The following ARHGEF26 variants were observed in gnomAD, a reference collection of about 807,000 sequenced individuals.
The protein encoded by ARHGEF26 is Rho guanine nucleotide exchange factor (GEF) 26.
In ARHGEF26, 59 loss-of-function variants were observed where a neutral mutation model predicts 89.4. That is an observed-to-expected ratio of 0.66 (90% CI 0.54 to 0.82). The LOEUF is 0.82. Among genes scored for constraint, ARHGEF26 ranks in the 40% least tolerant of loss-of-function variants. The pLI is 0.00. For synonymous variants in ARHGEF26, 500 were observed against 428.4 expected, an observed-to-expected ratio of 1.17 and a Z score of -2.06; for missense variants, 1,234 against 1,085.6, an observed-to-expected ratio of 1.14 and a Z score of -1.92.
intron 9 of ARHGEF26, among the ~76,000 whole-genome samples, chr3:154,203,202 G>T (rs1192551926): frequency 1.3e-5 from 2 of 152,122 alleles, no homozygotes; most frequent in Admixed American, 1.3e-4. Context: ...AGAGTTTTTA[G>T]CATGAAGGGT....
chr3:154,166,457 A>G (rs940809166), intron 6 of ARHGEF26, among the ~76,000 whole-genome samples: 2 of 152,224 alleles, frequency 1.3e-5, no homozygotes, highest in African/African-American at 4.8e-5. Flanking sequence ...GGGAACGTTC[A>G]TGCTCTGAAA....
In ARHGEF26 at chr3:154,253,074, T is replaced by C. The variant is rs756772047; in HGVS notation, c.2301-42T>C. 11 of 1,610,606 alleles carry C rather than the reference T, an allele frequency of 6.8e-6. No homozygotes were observed. In the South Asian group the frequency reaches 9.9e-5, roughly 15 times the overall value. ...CTAGAAAACACTCCATTCTGTGTTT[T>C]TACACCTTGAGTCTCTCAGTTGGAT... On this transcript the variant is annotated intron_variant, in intron 12 of 14. Coordinates refer to ENST00000465093, the MANE Select transcript of ARHGEF26 (RefSeq NM_015595.4).
At chr3:154,186,136 G>GACACACACACACACACACACACACACAC (rs60675240) in intron 6 of ARHGEF26, among the ~76,000 whole-genome samples, 2 of 146,928 alleles carry the variant, frequency 1.4e-5, no homozygotes, top group Non-Finnish European at 3.0e-5. Flanking sequence ...CACACACTTA[G>GACACACACACACACACACACACACACAC]ACACACACAC....
At chr3:154,191,778 T>A (rs2108188059) in intron 8 of ARHGEF26, among the ~76,000 whole-genome samples, 1 of 152,306 alleles carries the variant, frequency 6.6e-6, no homozygotes, top group Non-Finnish European at 1.5e-5. Context: ...GGCCTAAGAT[T>A]CCTCAGACTG....
chr3:154,154,544 C>T (rs1269929494), intron 6 of ARHGEF26, among the ~76,000 whole-genome samples: 1 of 148,936 alleles, frequency 6.7e-6, no homozygotes, highest in Non-Finnish European at 1.5e-5. Context: ...AGTTTCTATT[C>T]TTGTCCCCTC....
At chr3:154,125,746 C>A (rs1576676171) in intron 3 of ARHGEF26, among the ~76,000 whole-genome samples, 1 of 152,004 alleles carries the variant, frequency 6.6e-6, no homozygotes, top group Non-Finnish European at 1.5e-5. Flanking sequence ...TTCTGTGTAT[C>A]CTCTCATTTC....
rs926160689 is a variant in ARHGEF26 at position 154,165,761 on chromosome 3, A to G, written c.1487+12829A>G. ...GGAACTAATGTTTATCGGAATAACT[A>G]AATAATCTAAAACCAGGGCCCTAAG... On this transcript the variant is annotated intron_variant, in intron 6 of 14. Coordinates refer to ENST00000465093, the MANE Select transcript of ARHGEF26 (RefSeq NM_015595.4). Among the ~76,000 whole-genome samples, 44 of 152,296 alleles carry G rather than the reference A, an allele frequency of 2.9e-4. 1 individual carries two copies. Among genetic ancestry groups the G allele is most frequent in the African/African-American group, 1.1e-3 (44 of 41,562 alleles).
intron 7 of ARHGEF26, among the ~76,000 whole-genome samples, chr3:154,188,064 A>C (rs1713704631): frequency 1.3e-5 from 2 of 152,258 alleles, no homozygotes; most frequent in South Asian, 4.2e-4. Flanking sequence ...CTTGTTATTG[A>C]TGTCCTTGTT....
chr3:154,253,271 C>A, intron 13 of ARHGEF26, 88 bp downstream of exon 13: 2 of 1,464,436 alleles, frequency 1.4e-6, no homozygotes, highest in Non-Finnish European at 1.9e-6. Context: ...GTTATATTGC[C>A]ACAATACTTG....
At chr3:154,135,865 C>T (rs1718969985) in intron 4 of ARHGEF26, among the ~76,000 whole-genome samples, 1 of 152,174 alleles carries the variant, frequency 6.6e-6, no homozygotes, top group African/African-American at 2.4e-5. Context: ...TAAGTACCCC[C>T]TCCACCTCTC....
chr3:154,146,506 GCATCA>G (rs1198658418), intron 4 of ARHGEF26, among the ~76,000 whole-genome samples: 3 of 152,190 alleles, frequency 2.0e-5, no homozygotes, highest in Non-Finnish European at 2.9e-5. Flanking sequence ...TAACTAGACA[GCATCA>G]TATCCATAGA....
At chr3:154,179,379 TGA>T (rs954889354) in intron 6 of ARHGEF26, among the ~76,000 whole-genome samples, 9 of 152,190 alleles carry the variant, frequency 5.9e-5, no homozygotes, top group Non-Finnish European at 1.0e-4. Flanking sequence ...GATTGCCTAA[TGA>T]GAAGCTTTCT....
chr3:154,245,081 G>C (rs1717718799), intron 12 of ARHGEF26, among the ~76,000 whole-genome samples: 1 of 152,228 alleles, frequency 6.6e-6, no homozygotes, highest in Non-Finnish European at 1.5e-5. Context: ...GGGCTGGAGT[G>C]CAGTGGCACG....
chr3:154,121,331 C>T (rs1384113693), upstream of ARHGEF26: 2 of 147,538 alleles, frequency 1.4e-5, no homozygotes, highest in Admixed American at 6.7e-5. Flanking sequence ...GGAGGCGGAT[C>T]TGGGCGGGGC....
intron 9 of ARHGEF26, among the ~76,000 whole-genome samples, chr3:154,197,399 T>A (rs1714359820): frequency 6.6e-6 from 1 of 152,154 alleles, no homozygotes; most frequent in African/African-American, 2.4e-5. Context: ...TGGTTTAGAA[T>A]GAAAATGTAG....
At chr3:154,229,070 G>T (rs1185743893) in intron 11 of ARHGEF26, among the ~76,000 whole-genome samples, 2 of 152,124 alleles carry the variant, frequency 1.3e-5, no homozygotes, top group African/African-American at 4.8e-5. Flanking sequence ...TGAGGTGTGT[G>T]GACCCCCTCC....
chr3:154,228,858 C>T (rs1021271674), intron 11 of ARHGEF26, among the ~76,000 whole-genome samples: 1 of 152,204 alleles, frequency 6.6e-6, no homozygotes, highest in African/African-American at 2.4e-5. Context: ...CCTGTGCCAG[C>T]GCTTGAGGAC....
chr3:154,125,287 C>T (rs1014885460), intron 3 of ARHGEF26, among the ~76,000 whole-genome samples: 1 of 152,092 alleles, frequency 6.6e-6, no homozygotes, highest in Non-Finnish European at 1.5e-5. Flanking sequence ...CAAGTAATTC[C>T]CTATATAATT....
chr3:154,193,450 T>G (rs966603226), intron 8 of ARHGEF26, among the ~76,000 whole-genome samples: 2 of 152,192 alleles, frequency 1.3e-5, no homozygotes, highest in African/African-American at 4.8e-5. Flanking sequence ...TCAGATGGCT[T>G]GGCTTGGTGC....
Sources: gnomAD v4.1 joint callset for allele counts (sites outside exome capture counted in the v4.1 genomes callset) on GRCh38, gnomAD v4.1.1 for gene constraint, MANE v1.5 for transcripts, NCBI Gene and HGNC (gene_info 2026-07-23, HGNC 2026-07-21) for gene names.